The following DOCK3 variants were observed in gnomAD, a reference collection of about 807,000 sequenced individuals.
The protein encoded by DOCK3 is dedicator of cytokinesis 3.
A neutral mutation model predicts 265.6 loss-of-function variants in DOCK3; 60 were observed. The observed-to-expected ratio is 0.23, with a 90% CI of 0.18 to 0.28. DOCK3 has a LOEUF of 0.28. Ranked by LOEUF, DOCK3 falls within the 10% of genes least tolerant of loss-of-function variation. The pLI is 1.00. For synonymous variants in DOCK3, 881 were observed against 938.0 expected, an observed-to-expected ratio of 0.94 and a Z score of 1.11; for missense variants, 1,981 against 2,594.3, an observed-to-expected ratio of 0.76 and a Z score of 5.14.
At chr3:50,743,351 T>C (rs1435810541) in intron 1 of DOCK3, among the ~76,000 whole-genome samples, 1 of 151,866 alleles carries the variant, frequency 6.6e-6, no homozygotes, top group Non-Finnish European at 1.5e-5. Context: ...CAATATTAAC[T>C]TTAAATGTAA....
chr3:51,280,286 G>A (rs1387897852), intron 27 of DOCK3, 82 bp downstream of exon 27: 1 of 1,283,424 alleles, frequency 7.8e-7, no homozygotes, highest in Non-Finnish European at 1.1e-6. Flanking sequence ...TCAGGGGGAT[G>A]AATGCAAGTG....
chr3:51,039,136 C>T (rs989107041), intron 5 of DOCK3, among the ~76,000 whole-genome samples: 1 of 152,132 alleles, frequency 6.6e-6, no homozygotes, highest in Non-Finnish European at 1.5e-5. Context: ...TCTGGGACTA[C>T]AGGCATCTGC....
At chr3:51,355,587 G>A (rs976984844) in intron 41 of DOCK3, among the ~76,000 whole-genome samples, 1 of 152,190 alleles carries the variant, frequency 6.6e-6, no homozygotes, top group African/African-American at 2.4e-5. Flanking sequence ...GCTTCCTTGG[G>A]GACCACATGA....
chr3:51,216,149 A>G (rs2089775761), intron 14 of DOCK3, among the ~76,000 whole-genome samples: 1 of 152,198 alleles, frequency 6.6e-6, no homozygotes, highest in Non-Finnish European at 1.5e-5. Context: ...TTTGGATACT[A>G]CCTTCGTGAT....
chr3:50,803,615 G>A (rs1390301656), intron 2 of DOCK3, among the ~76,000 whole-genome samples: 1 of 125,334 alleles, frequency 8.0e-6, no homozygotes, highest in Non-Finnish European at 1.9e-5. Context: ...GTGGCGGCCG[G>A]GCAGAGGGGC....
intron 3 of DOCK3, among the ~76,000 whole-genome samples, chr3:50,872,352 A>G (rs1429527158): frequency 6.6e-6 from 1 of 152,238 alleles, no homozygotes; most frequent in Non-Finnish European, 1.5e-5. Flanking sequence ...ATTACCAGAC[A>G]GAGACTCTTG....
At chr3:51,342,992 G>T (rs2085337305) in intron 38 of DOCK3, among the ~76,000 whole-genome samples, 1 of 152,138 alleles carries the variant, frequency 6.6e-6, no homozygotes, top group Admixed American at 6.5e-5. Context: ...CACACAGAAG[G>T]CCTACCTTGT....
intron 3 of DOCK3, among the ~76,000 whole-genome samples, chr3:50,887,047 C>G (rs957904351): frequency 3.9e-5 from 6 of 151,958 alleles, no homozygotes; most frequent in Admixed American, 2.6e-4. Flanking sequence ...ACACAAAAAA[C>G]CCTTCAAAAA....
In DOCK3 at chr3:51,381,547, AG is replaced by A; in HGVS notation, c.6085del (p.Glu2029SerfsTer132). 2 of 1,537,016 alleles carry A rather than the reference AG, an allele frequency of 1.3e-6. No individual in the cohort carries two copies. Among genetic ancestry groups the A allele is most frequent in the Admixed American group, 2.1e-5 (1 of 48,200 alleles). On this transcript the variant is annotated frameshift_variant, in exon 53 of 53. Transcript: ENST00000266037. LOFTEE classifies it high-confidence loss of function. This position sits in a 1 kb window ranked among gnomAD's most constrained non-coding sequence, Gnocchi z 5.6. ...QARMAWEHGR[G>X]EQ ...CCCGCATGGCCTGGGAGCACGGCCG[AG>A]GGGAGCAGTGAGGGGCAACGAGGCG...
intron 1 of DOCK3, among the ~76,000 whole-genome samples, chr3:50,703,127 G>A (rs926432802): frequency 6.6e-6 from 1 of 151,944 alleles, no homozygotes; most frequent in Non-Finnish European, 1.5e-5. Context: ...TCATTTTGTC[G>A]ATGTGATATA....
intron 2 of DOCK3, among the ~76,000 whole-genome samples, chr3:50,835,302 T>C (rs1389990773): frequency 6.6e-6 from 1 of 152,200 alleles, no homozygotes; most frequent in East Asian, 1.9e-4. Flanking sequence ...CTGTTTTTAT[T>C]TCCCAAAGAT....
In DOCK3 at chr3:51,260,214, C is replaced by G. The variant is rs988851738; in HGVS notation, c.2243C>G (p.Thr748Ser). The G allele has an allele frequency of 6.2e-7, 1 of 1,613,896 alleles. No individual in the cohort carries two copies. Among genetic ancestry groups the G allele is most frequent in the Non-Finnish European group, 8.5e-7 (1 of 1,179,882 alleles). ...VQSRILYSRA[T>S]CGMEEEQFRS... The stretch of plus-strand genomic sequence containing the variant: ...TCACGGATCCTGTACTCACGAGCCA[C>G]TTGTGGAATGGAAGAGGAACAATTC... Residue 748 changes from threonine to serine, a missense_variant, in exon 23 of 53, where the codon ACT (threonine) becomes AGT (serine). Physicochemically the swap from Thr to Ser is moderately conservative, Grantham distance 58 (BLOSUM62 1). Coordinates refer to ENST00000266037, the MANE Select transcript of DOCK3 (RefSeq NM_004947.5).
intron 22 of DOCK3, among the ~76,000 whole-genome samples, chr3:51,254,396 A>T (rs2079432968): frequency 6.6e-6 from 1 of 152,172 alleles, no homozygotes; most frequent in South Asian, 2.1e-4. Flanking sequence ...CTTGGTGCAG[A>T]GCTGAGTTCA....
intron 5 of DOCK3, among the ~76,000 whole-genome samples, chr3:51,009,521 A>G (rs1338342415): frequency 1.3e-5 from 2 of 151,880 alleles, no homozygotes; most frequent in African/African-American, 4.8e-5. Context: ...CTTCTTTATT[A>G]TTCTTGCTAG....
chr3:51,242,086 GT>G (rs916228219), intron 21 of DOCK3, among the ~76,000 whole-genome samples: 9 of 148,562 alleles, frequency 6.1e-5, no homozygotes, highest in Admixed American at 1.3e-4. Context: ...CCTTTGGATG[GT>G]TTTTTTTTTC....
chr3:51,370,056 T>C lies in DOCK3; in HGVS notation c.5294-4413T>C, dbSNP rs533943416. On this transcript the variant is annotated intron_variant, in intron 49 of 52. Transcript: ENST00000266037. ...AATGAACCAAAAGATCGGTGCATGC[T>C]GAAGATTTGTCAGTATGTGAAAGCT... 1.3e-3 allele frequency among the ~76,000 whole-genome samples: 204 copies of C among 152,248 alleles called. 1 individual carries two copies. Among genetic ancestry groups the C allele is most frequent in the African/African-American group, 4.6e-3 (190 of 41,508 alleles).
chr3:50,978,724 G>A (rs1292369145), intron 5 of DOCK3, among the ~76,000 whole-genome samples: 1 of 152,226 alleles, frequency 6.6e-6, no homozygotes, highest in Non-Finnish European at 1.5e-5. Flanking sequence ...CTGGGCAATG[G>A]CGGGCGCCCC....
intron 5 of DOCK3, among the ~76,000 whole-genome samples, chr3:50,975,292 CTT>C (rs2077402987): frequency 6.6e-6 from 1 of 151,360 alleles, no homozygotes; most frequent in Non-Finnish European, 1.5e-5. Context: ...ATAAATAGCT[CTT>C]ATTATTTTGA....
intron 12 of DOCK3, among the ~76,000 whole-genome samples, chr3:51,175,838 G>A (rs1240390994): frequency 6.6e-6 from 1 of 152,146 alleles, no homozygotes; most frequent in African/African-American, 2.4e-5. Context: ...GTCAGGTAAG[G>A]AAGTGCTCAA....
Sources: gnomAD v4.1 joint callset for allele counts (sites outside exome capture counted in the v4.1 genomes callset) on GRCh38, gnomAD v4.1.1 for gene constraint, Gnocchi (gnomAD v3.1) non-coding constraint, MANE v1.5 for transcripts, NCBI Gene and HGNC (gene_info 2026-07-23, HGNC 2026-07-21) for gene names.